The following OSBPL7 variants were observed in gnomAD, a reference collection of about 807,000 sequenced individuals.
OSBPL7 encodes oxysterol binding protein like 7.
In OSBPL7, 66 loss-of-function variants were observed where a neutral mutation model predicts 115.8. The observed-to-expected ratio is 0.57, with a 90% confidence interval of 0.47 to 0.70. The LOEUF is 0.70. Among genes scored for constraint, OSBPL7 ranks in the 30% least tolerant of loss-of-function variants. The pLI is 0.00. For missense variants in OSBPL7, 902 were observed against 1,125.5 expected, an observed-to-expected ratio of 0.80 and a Z score of 2.84; for synonymous variants, 441 against 439.2, an observed-to-expected ratio of 1.00 and a Z score of -0.05.
At chr17:47,815,511 G>A (rs2033185886) in intron 12 of OSBPL7, 159 bp from the exon 13 acceptor site, 1 of 884,392 alleles carries the variant, frequency 1.1e-6, no homozygotes, top group African/African-American at 1.7e-5. Flanking sequence ...AGGAGTGAGA[G>A]CGGGACAAAG....
At chr17:47,811,075 T>C (rs1598013992) in intron 16 of OSBPL7, among the ~76,000 whole-genome samples, 1 of 152,188 alleles carries the variant, frequency 6.6e-6, no homozygotes, top group Non-Finnish European at 1.5e-5. Context: ...GCCCTGTCTA[T>C]GGCGTCCTCC....
At chr17:47,810,237 TG>T (rs1371402898) in intron 18 of OSBPL7, among the ~76,000 whole-genome samples, 1 of 152,240 alleles carries the variant, frequency 6.6e-6, no homozygotes, top group African/African-American at 2.4e-5. Context: ...CTGTGACCCC[TG>T]AGTCCTGAGA....
In OSBPL7 at chr17:47,813,611, G is replaced by A; in HGVS notation, c.1575C>T (p.Arg525=). ...EYSSLLDQAS[R]IADPCERMVY... is the part of the protein sequence containing the mutation. ...CCATGCGCTCGCAGGGGTCGGCGAT[G>A]CGGCTGGCCTGGTCCAGGAGGCTGC... The change falls in exon 15 of 23, where the codon CGC becomes CGT. Residue 525 remains arginine (R), a synonymous_variant. Coordinates refer to ENST00000007414, the MANE Select transcript of OSBPL7 (RefSeq NM_145798.3). 6.2e-7 allele frequency: 1 copy of A among 1,611,570 alleles called. No homozygotes were observed.
chr17:47,816,948 G>A lies in OSBPL7; in HGVS notation c.703-76C>T. The A allele has an allele frequency of 7.1e-7, 1 of 1,412,726 alleles. No individual in the cohort carries two copies. The highest frequency in any genetic ancestry group is 1.7e-5 in the Admixed American group (1 of 59,388). 87.5% of individuals were successfully genotyped at this position (1,412,726 alleles called of 1,614,324 possible). On this transcript the variant is annotated intron_variant, in intron 8 of 22. Transcript: ENST00000007414. The surrounding 1 kb of genome is among the most constrained non-coding windows in gnomAD (Gnocchi z 5.8). The stretch of plus-strand genomic sequence containing the variant: ...CAGAAACCATCACAGCCTGGGAGAG[G>A]TAGACGGCCTCCTGCGCCATGGAGG...
In OSBPL7 at chr17:47,813,246, C is replaced by G; in HGVS notation, c.1737+20G>C. On this transcript the variant is annotated intron_variant, in intron 16 of 22. Coordinates refer to ENST00000007414, the MANE Select transcript of OSBPL7 (RefSeq NM_145798.3). ...TTGCCCCAGACACCCAAGGCCAGCC[C>G]TCTTCTCCCAAGGCCATACCTGCTC... 6.2e-7 allele frequency: 1 copy of G among 1,613,506 alleles called. No individual in the cohort carries two copies. The highest frequency in any genetic ancestry group is 8.5e-7 in the Non-Finnish European group (1 of 1,179,888).
Position 47,808,844 on chromosome 17 carries a change from G to C in OSBPL7, c.2297+20C>G, listed in dbSNP as rs200694392. ...GGAGTGAACTAGATGGTTCTAGGCC[G>C]GCACCCATCCGGCACTGACCTCTGG... On this transcript the variant is annotated intron_variant, in intron 21 of 22. Coordinates refer to ENST00000007414, the MANE Select transcript of OSBPL7 (RefSeq NM_145798.3). The surrounding 1 kb of genome is among the most constrained non-coding windows in gnomAD (Gnocchi z 6.1). 7 of 1,613,952 alleles carry C rather than the reference G, an allele frequency of 4.3e-6. No individual in the cohort carries two copies. The East Asian group carries it at 1.3e-4, about 31-fold the overall frequency.
chr17:47,814,483 G>GCCCCCCCCCCCCCC, intron 14 of OSBPL7, 38 bp downstream of exon 14: 2 of 418,568 alleles, frequency 4.8e-6, no homozygotes, highest in Non-Finnish European at 4.6e-6. Context: ...TTTTCCACCC[G>GCCCCCCCCCCCCCC]CCTCCCACCC....
At chr17:47,819,272 C>CTGTCATGGTAAGGGA in intron 4 of OSBPL7, 173 bp from the exon 5 acceptor site, 1 of 597,380 alleles carries the variant, frequency 1.7e-6, no homozygotes. Flanking sequence ...ATGTGCAGAA[C>CTGTCATGGTAAGGGA]GCTCCCCTAC....
rs776262821 is a variant in OSBPL7 at position 47,816,920 on chromosome 17, G to A, written c.703-48C>T. The stretch of plus-strand genomic sequence containing the variant: ...ATTTTACTCACAGGGTGGGGAAAAG[G>A]GGCAGAAACCATCACAGCCTGGGAG... On this transcript the variant is annotated intron_variant, in intron 8 of 22. Coordinates refer to ENST00000007414, the MANE Select transcript of OSBPL7 (RefSeq NM_145798.3). The surrounding 1 kb of genome is among the most constrained non-coding windows in gnomAD (Gnocchi z 5.8). 1.3e-6 allele frequency: 2 copies of A among 1,570,478 alleles called. No homozygotes were observed. Among genetic ancestry groups the A allele is most frequent in the South Asian group, 1.1e-5 (1 of 90,084 alleles).
chr17:47,813,390 G>A lies in OSBPL7; in HGVS notation c.1613C>T (p.Ala538Val). 6.2e-7 allele frequency: 1 copy of A among 1,613,982 alleles called. No individual in the cohort carries two copies. The highest frequency in any genetic ancestry group is 1.1e-5 in the South Asian group (1 of 91,084). The change falls in exon 16 of 23, where the codon GCC becomes GTC. Residue 538 changes from alanine to valine, a missense_variant. Ala to Val is a moderately conservative substitution (Grantham distance 64, BLOSUM62 0). This residue lies in a region of OSBPL7 where 667 missense variants were observed against 788.7 expected (regional missense o/e 0.85). Transcript: ENST00000007414. ...DPCERMVYIA[A>V]FAVSAYSSTY... ...GGAGGAGTAGGCCGAGACAGCAAAGGCTGCGATGTACACCTGTGGGGGGCA... is the reference window on the plus strand; with the variant it reads ...GGAGGAGTAGGCCGAGACAGCAAAGACTGCGATGTACACCTGTGGGGGGCA...
chr17:47,818,112 C>G (rs1291995339), intron 7 of OSBPL7, among the ~76,000 whole-genome samples, 157 bp downstream of exon 7: 1 of 152,204 alleles, frequency 6.6e-6, no homozygotes, highest in Admixed American at 6.5e-5. Context: ...ACTGGGACTC[C>G]CCTAGACAGG....
chr17:47,819,328 C>T (rs2033325980), intron 4 of OSBPL7: 1 of 573,522 alleles, frequency 1.7e-6, no homozygotes, highest in Admixed American at 3.0e-5. Context: ...TCAAGAAAAA[C>T]TATTCCCACC....
intron 14 of OSBPL7, 43 bp downstream of exon 14, chr17:47,814,478 C>CTGG: frequency 7.7e-7 from 1 of 1,296,990 alleles, no homozygotes; most frequent in Non-Finnish European, 1.1e-6. Context: ...CCTGTTTTTC[C>CTGG]ACCCGCCTCC....
chr17:47,818,927 G>T, intron 5 of OSBPL7, 59 bp downstream of exon 5: 1 of 1,437,474 alleles, frequency 7.0e-7, no homozygotes, highest in Non-Finnish European at 9.8e-7. Context: ...GCCCCTGTGT[G>T]TTCCAATGCC....
intron 16 of OSBPL7, 126 bp from the exon 17 acceptor site, chr17:47,810,961 C>T (rs1331962178): frequency 7.7e-6 from 7 of 903,334 alleles, no homozygotes; most frequent in Non-Finnish European, 1.2e-5. Flanking sequence ...TTTCCTGTCC[C>T]TATCACCCTT....
Position 47,808,531 on chromosome 17 carries a change from G to A in OSBPL7, c.2420+7C>T, listed in dbSNP as rs761407857. ...GAGACCCAGGGCGGAGGGCGAGGCCGAGGCACCTGAAGAAGCGAGCCTGGT... is the reference window on the plus strand; with the variant it reads ...GAGACCCAGGGCGGAGGGCGAGGCCAAGGCACCTGAAGAAGCGAGCCTGGT... On this transcript the variant is annotated splice_region_variant and intron_variant, in intron 22 of 22. Coordinates refer to ENST00000007414, the MANE Select transcript of OSBPL7 (RefSeq NM_145798.3). The surrounding 1 kb of genome is among the most constrained non-coding windows in gnomAD (Gnocchi z 6.1). 1.2e-5 allele frequency: 20 copies of A among 1,614,072 alleles called. No homozygotes were observed. The highest frequency in any genetic ancestry group is 9.3e-5 in the African/African-American group (7 of 74,942).
chr17:47,809,089 G>A lies in OSBPL7; in HGVS notation c.2157C>T (p.Cys719=). ...CCCTCCACTTACTGGGTTTCCAGAT[G>A]CACTGGCCACCTGGCGTGGGTCCCC... is the stretch of plus-strand genomic sequence containing the variant. ...LYRGPTPGGQ[C]IWKPNSMPPD... The change falls in exon 20 of 23, where the codon TGC becomes TGT. Residue 719 remains cysteine (C), a synonymous_variant. Coordinates refer to ENST00000007414, the MANE Select transcript of OSBPL7 (RefSeq NM_145798.3). The A allele has an allele frequency of 1.2e-6, 2 of 1,614,012 alleles. No individual in the cohort carries two copies. Among genetic ancestry groups the A allele is most frequent in the South Asian group, 2.2e-5 (2 of 91,088 alleles).
rs2032912174 is a variant in OSBPL7 at position 47,808,116 on chromosome 17, T to C, written c.*175A>G. The C allele has an allele frequency of 1.7e-6, 1 of 590,614 alleles. No homozygotes were observed. Among genetic ancestry groups the C allele is most frequent in the Non-Finnish European group, 3.0e-6 (1 of 331,286 alleles). 36.6% of individuals were successfully genotyped at this position (590,614 alleles called of 1,614,324 possible). A position where few individuals can be genotyped will look rare whatever the true frequency, so the allele number is the denominator to read the frequency against. The stretch of plus-strand genomic sequence containing the variant: ...CTGCTTCTCACCCCAAACGGTGGGG[T>C]TGGGGGTGGGCTGAGATGCAGACCC... On this transcript the variant is annotated 3_prime_UTR_variant, in exon 23 of 23. Coordinates refer to ENST00000007414, the MANE Select transcript of OSBPL7 (RefSeq NM_145798.3). The surrounding 1 kb of genome is among the most constrained non-coding windows in gnomAD (Gnocchi z 6.1).
At position 47,819,743 on chromosome 17, in the gene OSBPL7, T is replaced by C; in HGVS notation, c.241A>G (p.Thr81Ala). ...VLEDGILHYA[T>A]TRQDITKGKL... The stretch of plus-strand genomic sequence containing the variant: ...CCCGGGCTCACGTCTTGCCGGGTTG[T>C]TGCATAATGAAGGATCCCGTCCTCG... Residue 81 changes from threonine to alanine, a missense_variant, in exon 4 of 23, where the codon ACA (threonine) becomes GCA (alanine). This residue lies in a region of OSBPL7 where 667 missense variants were observed against 788.7 expected (regional missense o/e 0.85). Transcript: ENST00000007414. 1 of 1,614,092 alleles carries C rather than the reference T, an allele frequency of 6.2e-7. No individual in the cohort carries two copies.
Sources: gnomAD v4.1 joint callset for allele counts (sites outside exome capture counted in the v4.1 genomes callset) on GRCh38, gnomAD v4.1.1 for gene constraint, gnomAD v4.1.1 regional missense constraint, Gnocchi (gnomAD v3.1) non-coding constraint, MANE v1.5 for transcripts, NCBI Gene and HGNC (gene_info 2026-07-23, HGNC 2026-07-21) for gene names.